The following CDH10 variants were observed in gnomAD, a reference collection of about 807,000 sequenced individuals.
CDH10 encodes the protein cadherin-10.
In CDH10, 30 loss-of-function variants were observed where a neutral mutation model predicts 73.1. That is an observed-to-expected ratio of 0.41 (90% CI 0.31 to 0.56). The LOEUF is 0.56. CDH10 is among the 20% of genes least tolerant of loss of function. CDH10 has a pLI of 0.27. For synonymous variants in CDH10, 345 were observed against 348.2 expected (o/e 0.99, Z 0.10); for missense variants, 815 against 973.7 (o/e 0.84, Z 2.17).
At chr5:24,573,769 A>G (rs1479225721) in intron 2 of CDH10, among the ~76,000 whole-genome samples, 3 of 148,588 alleles carry the variant, frequency 2.0e-5, no homozygotes, top group African/African-American at 7.4e-5. Context: ...TTATCATAAT[A>G]TATGTATTTA....
At chr5:24,514,903 T>A (rs575417462) in intron 5 of CDH10, among the ~76,000 whole-genome samples, 1 of 152,134 alleles carries the variant, frequency 6.6e-6, no homozygotes, top group East Asian at 1.9e-4. Flanking sequence ...CTTGAATAAA[T>A]CATTTAGAGA....
intron 2 of CDH10, among the ~76,000 whole-genome samples, chr5:24,579,410 G>A (rs13182059): frequency 0.38 from 57,937 of 151,396 alleles, 13,456 homozygotes; most frequent in East Asian, 0.54. Context: ...TGATTACACT[G>A]ACACTGTTCC....
chr5:24,537,036 G>A (rs1743979413), intron 3 of CDH10, among the ~76,000 whole-genome samples: 2 of 151,808 alleles, frequency 1.3e-5, no homozygotes, highest in Admixed American at 1.3e-4. Flanking sequence ...TATTCTAAAT[G>A]TATTTATATT....
At chr5:24,505,726 C>T (rs1742674365) in intron 7 of CDH10, among the ~76,000 whole-genome samples, 1 of 152,166 alleles carries the variant, frequency 6.6e-6, no homozygotes, top group Non-Finnish European at 1.5e-5. Flanking sequence ...TGGTGTTTAG[C>T]AGCTTCATGA....
In CDH10 at chr5:24,535,758, T is replaced by A. The variant is rs2111883067; in HGVS notation, c.591A>T (p.Arg197Ser). The change falls in exon 4 of 12, where the codon AGA becomes AGT. Residue 197 changes from arginine to serine, a missense_variant. Coordinates refer to ENST00000264463, the MANE Select transcript of CDH10 (RefSeq NM_006727.5). ...ADDPSYGNSA[R>S]VIYSILQGQP... ...GCCCTTGAAGTATGCTGTAAATGAC[T>A]CTGGCGCTGTTCCCATATGAAGGGT... 1 of 1,611,126 alleles carries A rather than the reference T, an allele frequency of 6.2e-7. No homozygotes were observed. Among genetic ancestry groups the A allele is most frequent in the Non-Finnish European group, 8.5e-7 (1 of 1,177,858 alleles).
intron 2 of CDH10, among the ~76,000 whole-genome samples, chr5:24,568,893 C>T (rs1008151568): frequency 2.0e-5 from 3 of 151,954 alleles, no homozygotes; most frequent in African/African-American, 7.3e-5. Flanking sequence ...GGGTGGATCA[C>T]GAGGTCAGGA....
intron 5 of CDH10, among the ~76,000 whole-genome samples, chr5:24,514,169 CA>C (rs1743020277): frequency 6.6e-6 from 1 of 152,226 alleles, no homozygotes. Flanking sequence ...TTGGCCAAAT[CA>C]AATCAATTCA....
chr5:24,643,971 C>T (rs908007864), intron 1 of CDH10, among the ~76,000 whole-genome samples: 1 of 152,128 alleles, frequency 6.6e-6, no homozygotes, highest in Admixed American at 6.6e-5. Context: ...CTCTCTCCCC[C>T]CAATACTTCT....
At chr5:24,580,915 CT>C (rs1745776226) in intron 2 of CDH10, among the ~76,000 whole-genome samples, 1 of 152,154 alleles carries the variant, frequency 6.6e-6, no homozygotes, top group Admixed American at 6.6e-5. Flanking sequence ...ATTGTCACAT[CT>C]CTTTTTTCTA....
At chr5:24,498,698 G>C (rs1177701716) in intron 8 of CDH10, among the ~76,000 whole-genome samples, 179 bp from the exon 9 acceptor site, 1 of 152,114 alleles carries the variant, frequency 6.6e-6, no homozygotes, top group African/African-American at 2.4e-5. Flanking sequence ...AAGTAGTCAT[G>C]AATTCAGTTA....
chr5:24,595,749 CT>C (rs1489221294), intron 1 of CDH10, among the ~76,000 whole-genome samples: 1 of 151,888 alleles, frequency 6.6e-6, no homozygotes, highest in Non-Finnish European at 1.5e-5. Flanking sequence ...CTCATTTCAT[CT>C]CTTTTTACAT....
intron 2 of CDH10, among the ~76,000 whole-genome samples, chr5:24,592,136 T>C (rs1262068549): frequency 6.6e-6 from 1 of 151,892 alleles, no homozygotes. Flanking sequence ...ATATCATCTT[T>C]CTCATTTTAC....
At chr5:24,494,664 AAAAC>A (rs1742199810) in intron 9 of CDH10, among the ~76,000 whole-genome samples, 1 of 152,088 alleles carries the variant, frequency 6.6e-6, no homozygotes, top group African/African-American at 2.4e-5. Flanking sequence ...TGCAGTTCAG[AAAAC>A]AAATAGTGAC....
intron 11 of CDH10, among the ~76,000 whole-genome samples, chr5:24,490,060 T>G (rs1189661235): frequency 6.6e-6 from 1 of 152,130 alleles, no homozygotes; most frequent in Non-Finnish European, 1.5e-5. Context: ...TGAAAAAGGT[T>G]GTCATGGCAA....
rs542195761 is a variant in CDH10, at chr5:24,632,774, A to T, written c.-124+11820T>A. ...TAGGGCTATTCTGTTAATTAAATCA[A>T]ATCATCCCAGTGCCCCAAAGATGGG... is the stretch of plus-strand genomic sequence containing the variant. On this transcript the variant is annotated intron_variant, in intron 1 of 11. Transcript: ENST00000264463. Among the ~76,000 whole-genome samples, 21 of 152,032 alleles carry T rather than the reference A, an allele frequency of 1.4e-4. 1 individual carries two copies. In the South Asian group the frequency reaches 4.4e-3, roughly 32 times the overall value.
chr5:24,510,801 G>C (rs1368732567), intron 6 of CDH10, among the ~76,000 whole-genome samples: 1 of 152,208 alleles, frequency 6.6e-6, no homozygotes, highest in African/African-American at 2.4e-5. Context: ...ATAACAAACA[G>C]GTTACCTTTA....
At chr5:24,539,703 C>T (rs1744081651) in intron 2 of CDH10, among the ~76,000 whole-genome samples, 1 of 152,012 alleles carries the variant, frequency 6.6e-6, no homozygotes, top group African/African-American at 2.4e-5. Context: ...GGTTGAGAAA[C>T]TCAGGAAATA....
chr5:24,640,220 T>A (rs966680880), intron 1 of CDH10, among the ~76,000 whole-genome samples: 3 of 151,496 alleles, frequency 2.0e-5, no homozygotes, highest in Non-Finnish European at 4.4e-5. Flanking sequence ...TCAAGGAGTT[T>A]TGTAATTGTT....
At position 24,597,839 on chromosome 5, in the gene CDH10, A is replaced by T. The variant is rs560629537; in HGVS notation, c.-123-4226T>A. Among the ~76,000 whole-genome samples the T allele has an allele frequency of 7.9e-5, 12 of 152,074 alleles. No homozygotes were observed. In the South Asian group the frequency reaches 2.5e-3, roughly 32 times the overall value. ...CTAATTAAGTCTCCACACATCACAG[A>T]TGATCAATTAAGCTACAATCTATTC... On this transcript the variant is annotated intron_variant, in intron 1 of 11. Transcript: ENST00000264463.
Sources: gnomAD v4.1 joint callset for allele counts (sites outside exome capture counted in the v4.1 genomes callset) on GRCh38, gnomAD v4.1.1 for gene constraint, MANE v1.5 for transcripts, NCBI Gene and HGNC (gene_info 2026-07-23, HGNC 2026-07-21) for gene names.